The following CLEC16A variants were observed in gnomAD, a reference collection of about 807,000 sequenced individuals.
The protein encoded by CLEC16A is C-type lectin domain containing 16A, also known as protein CLEC16A.
In CLEC16A, 51 loss-of-function variants were observed where a neutral mutation model predicts 109.5. That is an observed-to-expected ratio of 0.47 (90% CI 0.37 to 0.59). CLEC16A has a LOEUF of 0.59. Among genes scored for constraint, CLEC16A ranks in the 20% least tolerant of loss-of-function variants. The pLI is 0.00. For synonymous variants in CLEC16A, 673 were observed against 564.2 expected, an observed-to-expected ratio of 1.19 and a Z score of -2.73; for missense variants, 1,339 against 1,394.0, an observed-to-expected ratio of 0.96 and a Z score of 0.63.
chr16:11,034,234 A>G (rs951253946), intron 13 of CLEC16A, among the ~76,000 whole-genome samples: 2 of 152,344 alleles, frequency 1.3e-5, no homozygotes, highest in Non-Finnish European at 2.9e-5. Flanking sequence ...TCGGCCCAAC[A>G]TCTGGTTAGC....
rs76091147 is a variant in CLEC16A at position 10,949,920 on chromosome 16, C to T, written c.80+5123C>T. Among the ~76,000 whole-genome samples, 658 of 152,352 alleles carry T rather than the reference C, an allele frequency of 4.3e-3. 2 individuals carry two copies. The highest frequency in any genetic ancestry group is 0.024 in the Middle Eastern group (7 of 294). ...CCCACTTGAGGTCCCCTGCTCTTTT[C>T]CTCCTGCCCATCCAAATCCCTAGCT... On this transcript the variant is annotated intron_variant, in intron 1 of 23. Coordinates refer to ENST00000409790, the MANE Select transcript of CLEC16A (RefSeq NM_015226.3).
intron 16 of CLEC16A, among the ~76,000 whole-genome samples, chr16:11,046,101 G>A (rs1308882558): frequency 6.6e-6 from 1 of 152,142 alleles, no homozygotes; most frequent in East Asian, 1.9e-4. Context: ...CCTCAGGGTT[G>A]CATTAGTCAT....
rs1356064194 is a variant in CLEC16A, at chr16:11,174,707, C to G, written c.2807-3628C>G. 1.3e-5 allele frequency among the ~76,000 whole-genome samples: 2 copies of G among 152,256 alleles called. No individual in the cohort carries two copies. The highest frequency in any genetic ancestry group is 2.9e-5 in the Non-Finnish European group (2 of 68,046). On this transcript the variant is annotated intron_variant, in intron 23 of 23. Coordinates refer to ENST00000409790, the MANE Select transcript of CLEC16A (RefSeq NM_015226.3). This position sits in a 1 kb window ranked among gnomAD's most constrained non-coding sequence, Gnocchi z 4.7. ...AAAGTGAGAATTTGTAGAAAGCAAC[C>G]AAGAAGTCTCCTCATTTCTTTTTTC...
chr16:11,110,732 C>G (rs2051529554), intron 19 of CLEC16A, among the ~76,000 whole-genome samples: 1 of 152,158 alleles, frequency 6.6e-6, no homozygotes, highest in Admixed American at 6.5e-5. Flanking sequence ...CTCCCAGATA[C>G]CCTGGGCAGT....
intron 19 of CLEC16A, among the ~76,000 whole-genome samples, chr16:11,116,607 C>CAT (rs1206461222): frequency 1.3e-5 from 2 of 152,038 alleles, no homozygotes; most frequent in African/African-American, 4.8e-5. Context: ...TGAACCGAGG[C>CAT]ATATGTTGCT....
chr16:11,156,588 G>A lies in CLEC16A; in HGVS notation c.2642-9800G>A, dbSNP rs41372. 3.9e-4 allele frequency: 504 copies of A among 1,304,092 alleles called. 3 individuals are homozygous for A. The African/African-American group carries it at 7.1e-3, about 18-fold the overall frequency. The allele number at this position is 1,304,092 out of a possible 1,614,324, so 80.8% of individuals were successfully genotyped here. On this transcript the variant is annotated intron_variant, in intron 22 of 23. Transcript: ENST00000409790. Reference sequence around the variant, plus strand: ...TGCCGTTTCAGCCCTGCTGACTGCCGCAGTAGAGAGGCAGCCCAGATGGCC... The same window carrying A: ...TGCCGTTTCAGCCCTGCTGACTGCCACAGTAGAGAGGCAGCCCAGATGGCC...
chr16:11,094,069 C>G (rs1218492532), intron 19 of CLEC16A, among the ~76,000 whole-genome samples: 1 of 152,170 alleles, frequency 6.6e-6, no homozygotes, highest in Non-Finnish European at 1.5e-5. Context: ...TTTCTGCCTT[C>G]TTTTGTAACT....
intron 22 of CLEC16A, chr16:11,126,419 G>C: frequency 2.1e-6 from 3 of 1,414,170 alleles, no homozygotes; most frequent in Non-Finnish European, 2.8e-6. Context: ...AATTTTCTTG[G>C]AAATTTCTTG....
rs146046021 is a variant in CLEC16A, at chr16:11,119,086, C to T, written c.2117-1529C>T. 9.6e-3 allele frequency among the ~76,000 whole-genome samples: 1,469 copies of T among 152,272 alleles called. 27 individuals carry two copies. Among genetic ancestry groups the T allele is most frequent in the African/African-American group, 0.033 (1,389 of 41,540 alleles). On this transcript the variant is annotated intron_variant, in intron 19 of 23. Coordinates refer to ENST00000409790, the MANE Select transcript of CLEC16A (RefSeq NM_015226.3). ...GTGCGATCTTGGCTCACTGCAACTT[C>T]GCCTCTCAGGTTCAAGCGATTCTCC...
At chr16:11,067,510 A>C (rs540608852) in intron 19 of CLEC16A, among the ~76,000 whole-genome samples, 1 of 152,228 alleles carries the variant, frequency 6.6e-6, no homozygotes, top group South Asian at 2.1e-4. Flanking sequence ...GTGTGGCCAC[A>C]GAGTCGGGGA....
intron 13 of CLEC16A, among the ~76,000 whole-genome samples, chr16:11,035,703 C>T (rs755575983): frequency 4.3e-4 from 66 of 152,354 alleles, no homozygotes; most frequent in South Asian, 8.3e-4. Flanking sequence ...GTCACCATTT[C>T]TTCAGAGCTT....
intron 18 of CLEC16A, 72 bp from the exon 19 acceptor site, chr16:11,060,830 C>G (rs539245657): frequency 3.4e-4 from 481 of 1,396,560 alleles, no homozygotes; most frequent in Non-Finnish European, 4.3e-4. Flanking sequence ...GGTGTCATTT[C>G]TGGGTGTGGG....
At chr16:11,085,810 T>C (rs1450157470) in intron 19 of CLEC16A, among the ~76,000 whole-genome samples, 3 of 152,196 alleles carry the variant, frequency 2.0e-5, no homozygotes, top group Admixed American at 1.3e-4. Context: ...CAGGCTAGTC[T>C]CAAACCCCTG....
Position 11,013,675 on chromosome 16 carries a change from C to T in CLEC16A, c.1304-6518C>T, listed in dbSNP as rs185044121. Among the ~76,000 whole-genome samples, 59 of 152,134 alleles carry T rather than the reference C, an allele frequency of 3.9e-4. 1 individual carries two copies. The highest frequency in any genetic ancestry group is 7.4e-5 in the Non-Finnish European group (5 of 68,026). On this transcript the variant is annotated intron_variant, in intron 11 of 23. Transcript: ENST00000409790. ...CGGGGAGGCTGAGGCTGGAGAATCC[C>T]GTTAGACTGGGAGGCAGAGGTTGCA...
intron 10 of CLEC16A, among the ~76,000 whole-genome samples, chr16:10,985,220 A>ATAT (rs1555526162): frequency 0.019 from 1,996 of 103,896 alleles, 31 homozygotes; most frequent in Middle Eastern, 0.047. Context: ...AAAAAAAAAA[A>ATAT]ATATATATAT....
chr16:10,975,711 A>C (rs997859482), intron 7 of CLEC16A, among the ~76,000 whole-genome samples: 9 of 152,008 alleles, frequency 5.9e-5, no homozygotes, highest in African/African-American at 2.2e-4. Flanking sequence ...GCAATAGTGC[A>C]ATCTTGGCTC....
intron 19 of CLEC16A, among the ~76,000 whole-genome samples, chr16:11,081,927 G>A (rs1255190887): frequency 6.6e-6 from 1 of 152,214 alleles, no homozygotes; most frequent in African/African-American, 2.4e-5. Context: ...AGCTACTTGG[G>A]AGGTTGAGGT....
In CLEC16A at chr16:11,178,575, ACAGCCTCCG is replaced by A. The variant is rs772369861; in HGVS notation, c.3055_3063del (p.Arg1019_Leu1021del). On this transcript the variant is annotated inframe_deletion, in exon 24 of 24. Coordinates refer to ENST00000409790, the MANE Select transcript of CLEC16A (RefSeq NM_015226.3). This position sits in a 1 kb window ranked among gnomAD's most constrained non-coding sequence, Gnocchi z 6.5. ...ACCCTTGTCCCCCCAGTTGACCCCC[ACAGCCTCCG>A]CAGCCTCACCGGCATGCCCCCGCTG... 4 of 1,610,944 alleles carry A rather than the reference ACAGCCTCCG, an allele frequency of 2.5e-6. No homozygotes were observed. Among genetic ancestry groups the A allele is most frequent in the Non-Finnish European group, 3.4e-6 (4 of 1,179,738 alleles).
intron 19 of CLEC16A, among the ~76,000 whole-genome samples, chr16:11,104,830 C>A (rs915234632): frequency 1.3e-5 from 2 of 152,152 alleles, no homozygotes; most frequent in East Asian, 3.9e-4. Flanking sequence ...ACACAGTAGC[C>A]CCATAGCCCT....
Sources: gnomAD v4.1 joint callset for allele counts (sites outside exome capture counted in the v4.1 genomes callset) on GRCh38, gnomAD v4.1.1 for gene constraint, Gnocchi (gnomAD v3.1) non-coding constraint, MANE v1.5 for transcripts, NCBI Gene and HGNC (gene_info 2026-07-23, HGNC 2026-07-21) for gene names.